The following PLXDC1 variants were observed in gnomAD, a reference collection of about 807,000 sequenced individuals.
The protein encoded by PLXDC1 is plexin domain containing 1, also known as plexin domain-containing protein 1.
PLXDC1 carries 39 observed loss-of-function variants against 61.3 expected under a neutral mutation model. The ratio of observed to expected loss-of-function variants is 0.64; its 90% confidence interval spans 0.49 to 0.83. The LOEUF (loss-of-function observed/expected upper bound fraction) is 0.83, where lower values mean the gene tolerates loss of function less well. Ranked by LOEUF, PLXDC1 falls within the 40% of genes least tolerant of loss-of-function variation. PLXDC1 has a pLI of 0.00. For synonymous variants in PLXDC1, 212 were observed against 254.5 expected (o/e 0.83, Z 1.59); for missense variants, 596 against 666.5 (o/e 0.89, Z 1.17).
chr17:39,105,945 C>T lies in PLXDC1; in HGVS notation c.720G>A (p.Met240Ile). ...GGGAGGAGCTGATTTCCGGGACAGA[C>T]ATAGGGATCTGCGGCAGGGAGAAGA... The part of the protein sequence containing the change: ...RIVFAYKEIP[M>I]SVPEISSSQH... The change falls in exon 7 of 14, where the codon ATG becomes ATA. Residue 240 changes from methionine (M) to isoleucine (I), a missense_variant. Physicochemically the swap from Met to Ile is conservative, Grantham distance 10. Coordinates refer to ENST00000315392, the MANE Select transcript of PLXDC1 (RefSeq NM_020405.5). 1 of 1,612,866 alleles carries T rather than the reference C, an allele frequency of 6.2e-7. No individual in the cohort carries two copies. Among genetic ancestry groups the T allele is most frequent in the South Asian group, 1.1e-5 (1 of 91,024 alleles).
chr17:39,148,453 T>C (rs915233535), intron 1 of PLXDC1, among the ~76,000 whole-genome samples: 53 of 151,940 alleles, frequency 3.5e-4, no homozygotes, highest in African/African-American at 1.3e-3. Context: ...CGATCTCAGC[T>C]CACTATAACC....
At chr17:39,127,815 CAT>C (rs1911354936) in intron 2 of PLXDC1, among the ~76,000 whole-genome samples, 1 of 150,982 alleles carries the variant, frequency 6.6e-6, no homozygotes, top group Non-Finnish European at 1.5e-5. Flanking sequence ...ATTAGCCGGG[CAT>C]GATGGTGGCG....
chr17:39,147,709 A>G (rs1411779912), intron 1 of PLXDC1, among the ~76,000 whole-genome samples: 1 of 152,050 alleles, frequency 6.6e-6, no homozygotes, highest in East Asian at 1.9e-4. Flanking sequence ...GACAGCAAGA[A>G]GAGTTCAGCT....
rs557760030 is a variant in PLXDC1, at chr17:39,067,771, C to A, written c.*69G>T. Reference sequence around the variant, plus strand: ...CATGCTGGGAGAGGCCAGGAAAAGTCACTTCTCTTCTTTGCTTTAACTGTC... The same window carrying A: ...CATGCTGGGAGAGGCCAGGAAAAGTAACTTCTCTTCTTTGCTTTAACTGTC... On this transcript the variant is annotated 3_prime_UTR_variant, in exon 14 of 14. Coordinates refer to ENST00000315392, the MANE Select transcript of PLXDC1 (RefSeq NM_020405.5). The A allele has an allele frequency of 5.9e-5, 88 of 1,490,576 alleles. No homozygotes were observed. Among genetic ancestry groups the A allele is most frequent in the Non-Finnish European group, 7.4e-5 (81 of 1,091,474 alleles). The allele number at this position is 1,490,576 out of a possible 1,614,324, so 92.3% of individuals were successfully genotyped here. A position where few individuals can be genotyped will look rare whatever the true frequency, so the allele number is the denominator to read the frequency against.
intron 11 of PLXDC1, chr17:39,073,267 T>C (rs563901305): frequency 2.0e-5 from 3 of 152,232 alleles, no homozygotes; most frequent in African/African-American, 4.8e-5. Context: ...GCTCAAGCAA[T>C]CTTCTTACCT....
intron 2 of PLXDC1, among the ~76,000 whole-genome samples, chr17:39,128,086 T>TATATATATATATATATA (rs1567769441): frequency 1.7e-5 from 2 of 118,314 alleles, no homozygotes; most frequent in South Asian, 5.6e-4. Flanking sequence ...TCTCTCTCTC[T>TATATATATATATATATA]CTCTCTATGT....
At chr17:39,092,657 G>A (rs1378136573) in intron 7 of PLXDC1, among the ~76,000 whole-genome samples, 1 of 152,248 alleles carries the variant, frequency 6.6e-6, no homozygotes, top group East Asian at 1.9e-4. Context: ...AAGGAGAAAA[G>A]TGAGATCGGA....
intron 2 of PLXDC1, among the ~76,000 whole-genome samples, chr17:39,110,125 C>T (rs1190657565): frequency 1.4e-5 from 2 of 138,340 alleles, no homozygotes; most frequent in East Asian, 4.0e-4. Context: ...GACTCTGTCT[C>T]AAAAGAAGGA....
rs764949516 is a variant in PLXDC1 at position 39,069,926 on chromosome 17, G to A, written c.1313C>T (p.Ala438Val). 1.8e-5 allele frequency: 29 copies of A among 1,613,288 alleles called. No homozygotes were observed. The highest frequency in any genetic ancestry group is 4.4e-5 in the South Asian group (4 of 91,058). ...GTAAATTCCAGCCAGGATGATGGCCGCCACGAGGAGGACTGCCAGCACGAT... is the reference window on the plus strand; with the variant it reads ...GTAAATTCCAGCCAGGATGATGGCCACCACGAGGAGGACTGCCAGCACGAT... ...VGIVLAVLLV[A>V]AIILAGIYIN... The change falls in exon 13 of 14, where the codon GCG (alanine) becomes GTG (valine). Residue 438 changes from alanine (A) to valine (V), a missense_variant. Physicochemically the swap from Ala to Val is moderately conservative, Grantham distance 64. Coordinates refer to ENST00000315392, the MANE Select transcript of PLXDC1 (RefSeq NM_020405.5).
At chr17:39,098,904 G>A (rs1321694648) in intron 7 of PLXDC1, among the ~76,000 whole-genome samples, 1 of 152,166 alleles carries the variant, frequency 6.6e-6, no homozygotes, top group Non-Finnish European at 1.5e-5. Context: ...ATGCGCCTGC[G>A]TGGTTGACTG....
chr17:39,139,877 A>C (rs762047686), intron 1 of PLXDC1, 45 bp from the exon 2 acceptor site: 2 of 1,547,342 alleles, frequency 1.3e-6, no homozygotes, highest in Non-Finnish European at 1.8e-6. Flanking sequence ...GTCCGGAATG[A>C]AGATCAGGAG....
intron 2 of PLXDC1, among the ~76,000 whole-genome samples, chr17:39,110,733 TG>T (rs1910768692): frequency 6.6e-6 from 1 of 152,220 alleles, no homozygotes; most frequent in African/African-American, 2.4e-5. Flanking sequence ...GCCCTTGCCC[TG>T]GGCGCAGCGT....
intron 2 of PLXDC1, among the ~76,000 whole-genome samples, chr17:39,134,948 A>T (rs1408253182): frequency 6.6e-6 from 1 of 152,052 alleles, no homozygotes; most frequent in East Asian, 1.9e-4. Context: ...CTTGGCAGCC[A>T]CTTTATGCGC....
chr17:39,063,737 A>C lies in PLXDC1; in HGVS notation c.*4103T>G, dbSNP rs1462437177. 11 of 484,242 alleles carry C rather than the reference A, an allele frequency of 2.3e-5. No homozygotes were observed. Among genetic ancestry groups the C allele is most frequent in the Non-Finnish European group, 4.0e-5 (11 of 272,706 alleles). 30.0% of individuals were successfully genotyped at this position (484,242 alleles called of 1,614,324 possible). ...CTCAGTCCCCAGATCTTTGAATTCT[A>C]CCATTAAGTTCAGGTAGGTTTTTGG... On this transcript the variant is annotated 3_prime_UTR_variant, in exon 14 of 14. Coordinates refer to ENST00000315392, the MANE Select transcript of PLXDC1 (RefSeq NM_020405.5).
rs527830415 is a variant in PLXDC1 at position 39,133,682 on chromosome 17, G to C, written c.255+5972C>G. Among the ~76,000 whole-genome samples, 91 of 152,234 alleles carry C rather than the reference G, an allele frequency of 6.0e-4. 1 individual carries two copies. Among genetic ancestry groups the C allele is most frequent in the South Asian group, 3.9e-3 (19 of 4,822 alleles). Reference sequence around the variant, plus strand: ...CACCCAGGCTGGAGTGCTGTGGCGCGACCATGGCTCACTGCAGCCTCCAAC... The same window carrying C: ...CACCCAGGCTGGAGTGCTGTGGCGCCACCATGGCTCACTGCAGCCTCCAAC... On this transcript the variant is annotated intron_variant, in intron 2 of 13. Coordinates refer to ENST00000315392, the MANE Select transcript of PLXDC1 (RefSeq NM_020405.5).
intron 7 of PLXDC1, among the ~76,000 whole-genome samples, chr17:39,095,857 G>A (rs561099482): frequency 1.3e-5 from 2 of 152,176 alleles, no homozygotes; most frequent in South Asian, 4.1e-4. Flanking sequence ...TACAGATGGG[G>A]TTTCACCATC....
intron 2 of PLXDC1, chr17:39,112,195 G>A (rs1910827587): frequency 6.6e-6 from 1 of 152,338 alleles, no homozygotes; most frequent in East Asian, 1.9e-4. Context: ...TCACAGGTGA[G>A]CAGTTTTTAT....
rs202235256 is a variant in PLXDC1, at chr17:39,079,135, T to G, written c.1019A>C (p.Gln340Pro). 6 of 1,613,856 alleles carry G rather than the reference T, an allele frequency of 3.7e-6. No homozygotes were observed. Among genetic ancestry groups the G allele is most frequent in the African/African-American group, 1.3e-5 (1 of 74,922 alleles). ...TGCACAGCCATAGTCCATCCACTCCTGGCGATAGCGGTCAAAGCCACTGGA... is the reference window on the plus strand; with the variant it reads ...TGCACAGCCATAGTCCATCCACTCCGGGCGATAGCGGTCAAAGCCACTGGA... ...RCSSGFDRYRQEWMDYGCAQE... is the reference protein window; with the variant it reads ...RCSSGFDRYRPEWMDYGCAQE... The change falls in exon 10 of 14, where the codon CAG becomes CCG. Residue 340 changes from glutamine (Q) to proline (P), a missense_variant. Physicochemically the swap from Gln to Pro is moderately conservative, Grantham distance 76. Transcript: ENST00000315392.
At chr17:39,074,645 C>T (rs1374388586) in intron 11 of PLXDC1, among the ~76,000 whole-genome samples, 1 of 152,184 alleles carries the variant, frequency 6.6e-6, no homozygotes, top group Non-Finnish European at 1.5e-5. Flanking sequence ...CCCCCAAGTG[C>T]TGTGCCCTGG....
Sources: gnomAD v4.1 joint callset for allele counts (sites outside exome capture counted in the v4.1 genomes callset) on GRCh38, gnomAD v4.1.1 for gene constraint, MANE v1.5 for transcripts, NCBI Gene and HGNC (gene_info 2026-07-23, HGNC 2026-07-21) for gene names.